Variants in BNC2 observed in about 807,000 individuals in gnomAD.
The protein encoded by BNC2 is basonuclin zinc finger protein 2.
In BNC2, 20 loss-of-function variants were observed where a neutral mutation model predicts 76.3. That is an observed-to-expected ratio of 0.26 (90% CI 0.18 to 0.38). The LOEUF is 0.38. BNC2 is among the 10% of genes least tolerant of loss of function. The probability of loss-of-function intolerance (pLI) is 1.00; values close to 1 mark genes in which losing one functional copy is unlikely to be tolerated. For missense variants in BNC2, 1,382 were observed against 1,399.8 expected, an observed-to-expected ratio of 0.99 and a Z score of 0.20; for synonymous variants, 582 against 514.8, an observed-to-expected ratio of 1.13 and a Z score of -1.77.
chr9:16,468,040 CTTTTTT>C (rs748053541), intron 5 of BNC2, among the ~76,000 whole-genome samples: 1 of 129,554 alleles, frequency 7.7e-6, no homozygotes, highest in Non-Finnish European at 1.6e-5. Context: ...CTTTCTTTCT[CTTTTTT>C]TTTTTTTTTT....
intron 1 of BNC2, among the ~76,000 whole-genome samples, chr9:16,864,818 C>T (rs974004807): frequency 2.0e-5 from 3 of 151,756 alleles, no homozygotes; most frequent in African/African-American, 7.3e-5. Context: ...CCTTGCCTTT[C>T]CAGACAGTGA....
At chr9:16,420,893 A>T (rs1820696499) in intron 6 of BNC2, among the ~76,000 whole-genome samples, 1 of 152,128 alleles carries the variant, frequency 6.6e-6, no homozygotes, top group African/African-American at 2.4e-5. Context: ...ACAGTACCTA[A>T]ATTGAAGGTT....
intron 4 of BNC2, among the ~76,000 whole-genome samples, chr9:16,567,968 G>T (rs1008928035): frequency 6.6e-6 from 1 of 152,162 alleles, no homozygotes; most frequent in Non-Finnish European, 1.5e-5. Flanking sequence ...CTAATTTTCA[G>T]TCCTGCCCTG....
At chr9:16,652,688 C>T (rs1005882080) in intron 3 of BNC2, among the ~76,000 whole-genome samples, 4 of 152,220 alleles carry the variant, frequency 2.6e-5, no homozygotes, top group African/African-American at 9.6e-5. Context: ...CTCATATTTT[C>T]CTTCGGGCAA....
intron 5 of BNC2, among the ~76,000 whole-genome samples, chr9:16,513,777 G>A (rs1822814948): frequency 6.6e-6 from 1 of 152,188 alleles, no homozygotes; most frequent in Non-Finnish European, 1.5e-5. Flanking sequence ...ACTCAGAAGA[G>A]AGAAGGGCAG....
At chr9:16,521,807 C>A (rs1201881097) in intron 5 of BNC2, among the ~76,000 whole-genome samples, 1 of 152,154 alleles carries the variant, frequency 6.6e-6, no homozygotes, top group African/African-American at 2.4e-5. Flanking sequence ...GGGGGTGTAA[C>A]ATTTTTTAAG....
chr9:16,810,983 C>A (rs770743720), intron 1 of BNC2, among the ~76,000 whole-genome samples: 1 of 152,080 alleles, frequency 6.6e-6, no homozygotes. Context: ...ATTTGGGAGG[C>A]TGAGGCGGGC....
At chr9:16,815,683 A>T (rs1171621295) in intron 1 of BNC2, among the ~76,000 whole-genome samples, 2 of 152,196 alleles carry the variant, frequency 1.3e-5, no homozygotes, top group Non-Finnish European at 2.9e-5. Flanking sequence ...TTTTTAGCCT[A>T]AACTTCCTGC....
At chr9:16,597,303 T>A (rs961643420) in intron 3 of BNC2, among the ~76,000 whole-genome samples, 1 of 152,178 alleles carries the variant, frequency 6.6e-6, no homozygotes, top group African/African-American at 2.4e-5. Context: ...TATAATTTTG[T>A]CCCTGTTGGG....
At chr9:16,502,888 T>C (rs1822550309) in intron 5 of BNC2, among the ~76,000 whole-genome samples, 1 of 152,140 alleles carries the variant, frequency 6.6e-6, no homozygotes, top group Non-Finnish European at 1.5e-5. Context: ...TATCAGAAGG[T>C]GGTTTCATGT....
At chr9:16,608,228 C>G (rs1820436795) in intron 3 of BNC2, among the ~76,000 whole-genome samples, 1 of 152,164 alleles carries the variant, frequency 6.6e-6, no homozygotes, top group Non-Finnish European at 1.5e-5. Flanking sequence ...CAATTCCTCA[C>G]TTGTAACAAC....
chr9:16,693,076 G>T (rs1236999359), intron 3 of BNC2, among the ~76,000 whole-genome samples: 2 of 125,614 alleles, frequency 1.6e-5, no homozygotes, highest in Admixed American at 9.7e-5. Flanking sequence ...GTTGCAGTGA[G>T]CCGAGATCTC....
Position 16,691,666 on chromosome 9 carries a change from C to T in BNC2, c.330+36131G>A, listed in dbSNP as rs574050189. ...CTGGGACTACAAGCACCCACCACCA[C>T]GCCCAGCTAATTTTTTGTATTTTTA... On this transcript the variant is annotated intron_variant, in intron 3 of 6. Coordinates refer to ENST00000380672, the MANE Select transcript of BNC2 (RefSeq NM_017637.6). Among the ~76,000 whole-genome samples, 5 of 151,534 alleles carry T rather than the reference C, an allele frequency of 3.3e-5. No homozygotes were observed. In the South Asian group the frequency reaches 8.3e-4, roughly 25 times the overall value.
intron 4 of BNC2, among the ~76,000 whole-genome samples, chr9:16,563,381 G>A (rs1322449806): frequency 6.6e-6 from 1 of 151,968 alleles, no homozygotes; most frequent in African/African-American, 2.4e-5. Flanking sequence ...CACTTTGGGA[G>A]GCCTAGGAGG....
At chr9:16,639,081 C>T (rs1334814488) in intron 3 of BNC2, among the ~76,000 whole-genome samples, 2 of 151,902 alleles carry the variant, frequency 1.3e-5, no homozygotes, top group Non-Finnish European at 2.9e-5. Flanking sequence ...GGCTATTTTC[C>T]CTCAAAAGAA....
At chr9:16,515,354 G>A (rs930683279) in intron 5 of BNC2, among the ~76,000 whole-genome samples, 11 of 152,180 alleles carry the variant, frequency 7.2e-5, no homozygotes, top group African/African-American at 2.7e-4. Flanking sequence ...CATCCCCTTG[G>A]CTAATGAAAG....
At chr9:16,767,417 C>A (rs1369856082) in intron 1 of BNC2, among the ~76,000 whole-genome samples, 1 of 152,142 alleles carries the variant, frequency 6.6e-6, no homozygotes, top group East Asian at 1.9e-4. Flanking sequence ...GCGGTACATG[C>A]TAAGGGATAT....
At chr9:16,840,201 C>CCTA (rs1818793776) in intron 1 of BNC2, among the ~76,000 whole-genome samples, 1 of 152,180 alleles carries the variant, frequency 6.6e-6, no homozygotes, top group African/African-American at 2.4e-5. Flanking sequence ...TACCACAGAG[C>CCTA]CTATCTGCAA....
intron 5 of BNC2, among the ~76,000 whole-genome samples, chr9:16,532,893 A>G (rs1218284207): frequency 6.6e-6 from 1 of 152,164 alleles, no homozygotes; most frequent in African/African-American, 2.4e-5. Flanking sequence ...GGATATTTTC[A>G]CCAGAGAAAT....
Sources: allele counts gnomAD v4.1 joint callset (sites outside exome capture counted in the v4.1 genomes callset), GRCh38; gene constraint gnomAD v4.1.1; transcripts MANE v1.5; gene names NCBI Gene and HGNC (gene_info 2026-07-23, HGNC 2026-07-21).